Variants in FHOD3 observed in about 807,000 individuals in gnomAD.
FHOD3 encodes FH1/FH2 domain-containing protein 3.
In FHOD3, 90 loss-of-function variants were observed where a neutral mutation model predicts 173.0. That is an observed-to-expected ratio of 0.52 (90% CI 0.44 to 0.62). FHOD3 has a LOEUF of 0.62. FHOD3 is among the 20% of genes least tolerant of loss of function. FHOD3 has a pLI of 0.00. For missense variants in FHOD3, 1,945 were observed against 2,034.7 expected, an observed-to-expected ratio of 0.96 and a Z score of 0.85; for synonymous variants, 828 against 823.0, an observed-to-expected ratio of 1.01 and a Z score of -0.10.
At chr18:36,618,706 G>A (rs2033451428) in intron 9 of FHOD3, among the ~76,000 whole-genome samples, 1 of 152,178 alleles carries the variant, frequency 6.6e-6, no homozygotes, top group Admixed American at 6.5e-5. Context: ...TAAGATTGGT[G>A]TGTAGCAGCT....
At chr18:36,538,367 G>GA (rs1433483145) in intron 5 of FHOD3, among the ~76,000 whole-genome samples, 2 of 152,186 alleles carry the variant, frequency 1.3e-5, no homozygotes, top group African/African-American at 4.8e-5. Context: ...TGATGATAGA[G>GA]AAAATCAAAT....
At chr18:36,668,823 AT>A (rs2037349691) in intron 14 of FHOD3, among the ~76,000 whole-genome samples, 1 of 152,020 alleles carries the variant, frequency 6.6e-6, no homozygotes, top group African/African-American at 2.4e-5. Context: ...TTCTAATTTA[AT>A]AAAATTGCGG....
intron 6 of FHOD3, among the ~76,000 whole-genome samples, chr18:36,588,340 T>G (rs1256535072): frequency 3.3e-5 from 5 of 152,242 alleles, no homozygotes; most frequent in African/African-American, 1.2e-4. Context: ...GAGATCTTTT[T>G]TTCTTTATAG....
At position 36,695,983 on chromosome 18, in the gene FHOD3, A is replaced by G. The variant is rs116441266; in HGVS notation, c.2236+2560A>G. 4.2e-3 allele frequency among the ~76,000 whole-genome samples: 636 copies of G among 152,344 alleles called. 8 individuals carry two copies. The highest frequency in any genetic ancestry group is 0.014 in the African/African-American group (602 of 41,576). ...GTTGGTCCTGCACCAAACACCTGGC[A>G]TGTCCAAACGTGCCAGGGATTGCCT... On this transcript the variant is annotated intron_variant, in intron 17 of 28. Transcript: ENST00000590592.
chr18:36,481,560 G>A (rs568484833), intron 3 of FHOD3, among the ~76,000 whole-genome samples: 20 of 151,662 alleles, frequency 1.3e-4, no homozygotes, highest in African/African-American at 4.4e-4. Flanking sequence ...ACATGGTTCT[G>A]AAAACGGGGA....
intron 9 of FHOD3, among the ~76,000 whole-genome samples, chr18:36,622,484 G>A (rs747193463): frequency 6.6e-6 from 1 of 152,242 alleles, no homozygotes; most frequent in Non-Finnish European, 1.5e-5. Context: ...TAAGCCGTCA[G>A]GGCTGGATTC....
intron 16 of FHOD3, among the ~76,000 whole-genome samples, chr18:36,688,201 A>G (rs951501813): frequency 4.6e-5 from 7 of 152,242 alleles, no homozygotes; most frequent in Admixed American, 6.5e-5. Flanking sequence ...TATAGCCTGC[A>G]GTTGTCCCCT....
chr18:36,450,426 G>A (rs1311428183), intron 3 of FHOD3, among the ~76,000 whole-genome samples: 1 of 150,774 alleles, frequency 6.6e-6, no homozygotes, highest in Non-Finnish European at 1.5e-5. Context: ...TAGACCAGTA[G>A]CATTTACGAC....
At chr18:36,441,480 G>A (rs1392338834) in intron 3 of FHOD3, among the ~76,000 whole-genome samples, 1 of 152,182 alleles carries the variant, frequency 6.6e-6, no homozygotes, top group East Asian at 1.9e-4. Context: ...AGACAGGGAG[G>A]CCAGAATTGG....
chr18:36,721,914 AAAAG>A (rs1442699056), intron 19 of FHOD3, among the ~76,000 whole-genome samples: 2 of 152,244 alleles, frequency 1.3e-5, no homozygotes, highest in African/African-American at 4.8e-5. Context: ...TTTCATCAAA[AAAAG>A]TAACATTAGA....
intron 4 of FHOD3, among the ~76,000 whole-genome samples, chr18:36,509,079 G>A (rs562300675): frequency 8.0e-4 from 121 of 152,142 alleles, no homozygotes; most frequent in African/African-American, 2.9e-3. Context: ...ACACCACAGG[G>A]GTGTAACCAA....
rs1174845972 is a variant in FHOD3, at chr18:36,779,920, G to GATGT, written c.*392_*395dup. The GATGT allele has an allele frequency of 4.7e-6, 2 of 424,638 alleles. No individual in the cohort carries two copies. Among genetic ancestry groups the GATGT allele is most frequent in the Non-Finnish European group, 4.1e-6 (1 of 244,976 alleles). 26.3% of individuals were successfully genotyped at this position (424,638 alleles called of 1,614,324 possible). On this transcript the variant is annotated 3_prime_UTR_variant, in exon 29 of 29. Transcript: ENST00000590592. The stretch of plus-strand genomic sequence containing the variant: ...AGTCTCCACAACACCAAAATATCCA[G>GATGT]ATGTAAACCCCAAACTTGTACACAA...
At chr18:36,667,363 A>G (rs1235997495) in intron 14 of FHOD3, among the ~76,000 whole-genome samples, 1 of 152,226 alleles carries the variant, frequency 6.6e-6, no homozygotes, top group Non-Finnish European at 1.5e-5. Context: ...TTCTTGAAAG[A>G]CAAAAACTAC....
chr18:36,554,455 G>A (rs531440096), intron 5 of FHOD3, among the ~76,000 whole-genome samples: 7 of 143,372 alleles, frequency 4.9e-5, no homozygotes, highest in African/African-American at 1.3e-4. Flanking sequence ...ATGGACACAG[G>A]AAGGGGAACA....
At chr18:36,512,032 G>A (rs746146704) in intron 4 of FHOD3, among the ~76,000 whole-genome samples, 2 of 152,204 alleles carry the variant, frequency 1.3e-5, no homozygotes, top group Non-Finnish European at 2.9e-5. Flanking sequence ...GTGGCTTTGA[G>A]TTCCTCACCT....
chr18:36,444,579 C>T (rs1281734915), intron 3 of FHOD3, among the ~76,000 whole-genome samples: 1 of 152,128 alleles, frequency 6.6e-6, no homozygotes, highest in East Asian at 1.9e-4. Flanking sequence ...TCCACTCATC[C>T]TCTATAGATA....
At chr18:36,540,097 G>T (rs1200904529) in intron 5 of FHOD3, among the ~76,000 whole-genome samples, 2 of 152,198 alleles carry the variant, frequency 1.3e-5, no homozygotes, top group Admixed American at 6.5e-5. Flanking sequence ...AAATGCAGGC[G>T]TGGGGTGGAG....
intron 3 of FHOD3, among the ~76,000 whole-genome samples, chr18:36,416,389 C>T (rs574727987): frequency 3.3e-5 from 5 of 152,228 alleles, no homozygotes; most frequent in African/African-American, 9.6e-5. Context: ...GTGGCTTGAA[C>T]GTTATTTAGG....
At chr18:36,700,766 T>C (rs2039539005) in intron 17 of FHOD3, among the ~76,000 whole-genome samples, 1 of 151,142 alleles carries the variant, frequency 6.6e-6, no homozygotes, top group African/African-American at 2.4e-5. Flanking sequence ...AGACCCTTTG[T>C]ACCCAGTACC....
Sources: allele counts gnomAD v4.1 joint callset (sites outside exome capture counted in the v4.1 genomes callset), GRCh38; gene constraint gnomAD v4.1.1; transcripts MANE v1.5; gene names NCBI Gene and HGNC (gene_info 2026-07-23, HGNC 2026-07-21).